The following LGR6 variants were observed in gnomAD, a reference collection of about 807,000 sequenced individuals.
LGR6 encodes the protein leucine rich repeat containing G protein-coupled receptor 6.
LGR6 carries 45 observed loss-of-function variants against 69.4 expected under a neutral mutation model. The observed-to-expected ratio is 0.65, with a 90% confidence interval of 0.51 to 0.83. The LOEUF (loss-of-function observed/expected upper bound fraction) is 0.83. Ranked by LOEUF, LGR6 falls within the 40% of genes least tolerant of loss-of-function variation. The probability of loss-of-function intolerance (pLI) is 0.00; values close to 1 mark genes in which losing one functional copy is unlikely to be tolerated. For missense variants in LGR6, 1,108 were observed against 1,246.7 expected (o/e 0.89, Z 1.68); for synonymous variants, 538 against 555.0 (o/e 0.97, Z 0.43).
intron 4 of LGR6, among the ~76,000 whole-genome samples, chr1:202,260,774 A>T (rs916132825): frequency 6.6e-6 from 1 of 152,112 alleles, no homozygotes; most frequent in Non-Finnish European, 1.5e-5. Context: ...CAACTAACTA[A>T]TATATTTTTT....
chr1:202,208,538 A>G (rs1659342757), intron 1 of LGR6, among the ~76,000 whole-genome samples: 1 of 151,950 alleles, frequency 6.6e-6, no homozygotes. Flanking sequence ...GGGATAGGAC[A>G]TGGCCATCAT....
intron 4 of LGR6, among the ~76,000 whole-genome samples, chr1:202,258,016 GGTTTTGCACTGTTTTT>G (rs1558041814): frequency 6.6e-6 from 1 of 151,968 alleles, no homozygotes; most frequent in Non-Finnish European, 1.5e-5. Context: ...TGAGAGTATA[GGTTTTGCACTGTTTTT>G]GTTAAATTTA....
At chr1:202,200,724 G>T (rs1658807927) in intron 1 of LGR6, among the ~76,000 whole-genome samples, 3 of 152,196 alleles carry the variant, frequency 2.0e-5, no homozygotes, top group Admixed American at 6.5e-5. Flanking sequence ...GACAATTCAG[G>T]TCTCTCCTCC....
At chr1:202,314,689 A>G in intron 16 of LGR6, 113 bp from the exon 17 acceptor site, 1 of 738,902 alleles carries the variant, frequency 1.4e-6, no homozygotes, top group Non-Finnish European at 2.4e-6. Context: ...TAGAATGAAC[A>G]GTGCTGAGCA....
intron 1 of LGR6, among the ~76,000 whole-genome samples, chr1:202,197,712 C>A (rs74136761): frequency 7.9e-4 from 121 of 152,270 alleles, no homozygotes; most frequent in African/African-American, 2.7e-3. Flanking sequence ...AATTGTCACA[C>A]TTCTTAACTA....
At chr1:202,255,276 AC>A (rs1336215394) in intron 4 of LGR6, among the ~76,000 whole-genome samples, 1 of 152,212 alleles carries the variant, frequency 6.6e-6, no homozygotes, top group African/African-American at 2.4e-5. Flanking sequence ...GCCATGGGCC[AC>A]AAGTGAGGCC....
intron 16 of LGR6, 141 bp downstream of exon 16, chr1:202,310,498 C>T (rs1553254876): frequency 1.3e-6 from 1 of 763,900 alleles, no homozygotes; most frequent in Non-Finnish European, 2.1e-6. Flanking sequence ...CTGCCTGTGA[C>T]CTGGGAGGAA....
chr1:202,249,099 C>T (rs1663003536), intron 4 of LGR6, among the ~76,000 whole-genome samples: 1 of 152,212 alleles, frequency 6.6e-6, no homozygotes, highest in South Asian at 2.1e-4. Flanking sequence ...CGAGGCTCCA[C>T]TGCAGCCGAC....
chr1:202,258,819 C>T (rs981692438), intron 4 of LGR6, among the ~76,000 whole-genome samples: 1 of 151,868 alleles, frequency 6.6e-6, no homozygotes, highest in Non-Finnish European at 1.5e-5. Context: ...TGCGTTAGAG[C>T]TTTCAGAACA....
chr1:202,205,591 T>C, intron 1 of LGR6, among the ~76,000 whole-genome samples: 1 of 127,862 alleles, frequency 7.8e-6, no homozygotes, highest in Non-Finnish European at 1.6e-5. Flanking sequence ...CACACCCTCC[T>C]TCAAACATAC....
chr1:202,197,015 A>G, intron 1 of LGR6: 1 of 532,928 alleles, frequency 1.9e-6, no homozygotes, highest in Non-Finnish European at 3.8e-6. Flanking sequence ...AAACACTTGG[A>G]CATGCAGGAA....
rs1046593143 is a variant in LGR6 at position 202,285,694 on chromosome 1, G to A, written c.716+4842G>A. Among the ~76,000 whole-genome samples the A allele has an allele frequency of 1.5e-4, 23 of 152,112 alleles. 1 individual carries two copies. The highest frequency in any genetic ancestry group is 5.1e-4 in the African/African-American group (21 of 41,418). ...TACCCAGAAGTGTCATTTCACAGTG[G>A]TCCATGCTGTGTCTCATCTCCTCTG... On this transcript the variant is annotated intron_variant, in intron 6 of 17. Transcript: ENST00000367278.
intron 4 of LGR6, among the ~76,000 whole-genome samples, chr1:202,247,149 T>A (rs1274621313): frequency 6.6e-6 from 1 of 152,214 alleles, no homozygotes; most frequent in Non-Finnish European, 1.5e-5. Context: ...TCTGGATTTT[T>A]AAAAAATCTT....
At chr1:202,236,228 T>C (rs1571863719) in intron 4 of LGR6, 1 of 547,214 alleles carries the variant, frequency 1.8e-6, no homozygotes, top group East Asian at 3.1e-5. Flanking sequence ...CACGCCCCAC[T>C]GGGGGACTGT....
At chr1:202,272,893 T>A (rs879911094) in intron 4 of LGR6, among the ~76,000 whole-genome samples, 1 of 152,200 alleles carries the variant, frequency 6.6e-6, no homozygotes, top group Non-Finnish European at 1.5e-5. Flanking sequence ...AGCACCTCCT[T>A]ATGGTACATG....
rs753439617 is a variant in LGR6 at position 202,276,341 on chromosome 1, A to G, written c.464A>G (p.Glu155Gly). ...GCCAACCTCATCTCCCTGGTCCCGG[A>G]GAGGAGCTTTGAGGGGCTGTCCTCC... is the stretch of plus-strand genomic sequence containing the variant. ...LDANLISLVPERSFEGLSSLR... is the reference protein window; with the variant it reads ...LDANLISLVPGRSFEGLSSLR... The change falls in exon 5 of 18, where the codon GAG (glutamate) becomes GGG (glycine). Residue 155 changes from glutamate (E) to glycine (G), a missense_variant. Physicochemically the swap from Glu to Gly is moderately conservative, Grantham distance 98. Coordinates refer to ENST00000367278, the MANE Select transcript of LGR6 (RefSeq NM_001017403.2). 5 of 1,614,118 alleles carry G rather than the reference A, an allele frequency of 3.1e-6. No homozygotes were observed. The highest frequency in any genetic ancestry group is 4.2e-6 in the Non-Finnish European group (5 of 1,180,002).
At chr1:202,218,937 T>C (rs1403560364) in intron 1 of LGR6, among the ~76,000 whole-genome samples, 4 of 152,208 alleles carry the variant, frequency 2.6e-5, no homozygotes, top group Non-Finnish European at 5.9e-5. Context: ...AACTCCTTGA[T>C]GGCCCAGACC....
chr1:202,220,731 G>GT (rs1660099499), intron 1 of LGR6, among the ~76,000 whole-genome samples: 1 of 152,136 alleles, frequency 6.6e-6, no homozygotes, highest in African/African-American at 2.4e-5. Context: ...GTGGGGACGG[G>GT]GTTCTGGGAG....
intron 4 of LGR6, among the ~76,000 whole-genome samples, chr1:202,264,283 G>A (rs892297187): frequency 6.6e-6 from 1 of 152,166 alleles, no homozygotes; most frequent in Non-Finnish European, 1.5e-5. Flanking sequence ...GTGTTAATAT[G>A]TGCCTGAATT....
Sources: allele counts gnomAD v4.1 joint callset (sites outside exome capture counted in the v4.1 genomes callset), GRCh38; gene constraint gnomAD v4.1.1; transcripts MANE v1.5; gene names NCBI Gene and HGNC (gene_info 2026-07-23, HGNC 2026-07-21).